The following CSMD1 variants were observed in gnomAD, a reference collection of about 807,000 sequenced individuals.
CSMD1 encodes CUB and Sushi multiple domains 1, also known as CUB and sushi domain-containing protein 1.
In CSMD1, 213 loss-of-function variants were observed where a neutral mutation model predicts 417.5. The observed-to-expected ratio is 0.51, with a 90% CI of 0.46 to 0.57. The LOEUF is 0.57. Ranked by LOEUF, CSMD1 falls within the 20% of genes least tolerant of loss-of-function variation. CSMD1 has a pLI of 0.00. For missense variants in CSMD1, 6,923 were observed against 4,529.7 expected (o/e 1.53, Z -15.17); for synonymous variants, 2,862 against 1,736.8 (o/e 1.65, Z -16.11).
At chr8:4,252,861 A>T (rs950261049) in intron 3 of CSMD1, among the ~76,000 whole-genome samples, 2 of 152,204 alleles carry the variant, frequency 1.3e-5, no homozygotes, top group Non-Finnish European at 2.9e-5. Context: ...TCTTGGGACC[A>T]TGAGTGAAAG....
intron 2 of CSMD1, among the ~76,000 whole-genome samples, chr8:4,468,338 G>A (rs1366437365): frequency 6.6e-6 from 1 of 152,068 alleles, no homozygotes; most frequent in Non-Finnish European, 1.5e-5. Flanking sequence ...CCTTTTTAAA[G>A]GTGTTATCAC....
At chr8:3,727,819 G>T (rs1802582346) in intron 6 of CSMD1, among the ~76,000 whole-genome samples, 1 of 152,174 alleles carries the variant, frequency 6.6e-6, no homozygotes, top group African/African-American at 2.4e-5. Flanking sequence ...GCCACAGATG[G>T]GTGAGCTTTA....
At chr8:4,441,260 G>GTT (rs34935169) in intron 2 of CSMD1, among the ~76,000 whole-genome samples, 1,357 of 66,878 alleles carry the variant, frequency 0.02, 29 homozygotes, top group Non-Finnish European at 0.024. Context: ...ACTACACTCA[G>GTT]TTTTTTTTTT....
intron 3 of CSMD1, among the ~76,000 whole-genome samples, chr8:4,234,353 C>G (rs763443528): frequency 2.0e-5 from 3 of 152,118 alleles, no homozygotes; most frequent in Non-Finnish European, 2.9e-5. Flanking sequence ...CCTGAAGCAG[C>G]CTCTCTGCAG....
intron 1 of CSMD1, among the ~76,000 whole-genome samples, chr8:4,698,383 G>A (rs940901619): frequency 6.6e-6 from 1 of 152,062 alleles, no homozygotes; most frequent in African/African-American, 2.4e-5. Context: ...GAGAAAGAAG[G>A]CAAAGGTTTC....
At chr8:4,890,553 T>C (rs557558912) in intron 1 of CSMD1, among the ~76,000 whole-genome samples, 10 of 145,914 alleles carry the variant, frequency 6.9e-5, no homozygotes, top group African/African-American at 2.6e-4. Context: ...CTCCTTCAGG[T>C]CCTCACAGTC....
chr8:4,411,901 G>T (rs1173099234), intron 3 of CSMD1, among the ~76,000 whole-genome samples: 1 of 151,744 alleles, frequency 6.6e-6, no homozygotes, highest in Non-Finnish European at 1.5e-5. Flanking sequence ...ATCTTCTGAG[G>T]TCAATACACA....
chr8:4,665,164 G>A (rs1193552212), intron 1 of CSMD1, among the ~76,000 whole-genome samples: 1 of 151,764 alleles, frequency 6.6e-6, no homozygotes, highest in African/African-American at 2.4e-5. Context: ...GCTTTCTTAG[G>A]TCTTTTCTGT....
At chr8:3,439,505 G>GTGTGTGTA (rs1563390872) in intron 12 of CSMD1, among the ~76,000 whole-genome samples, 1 of 145,766 alleles carries the variant, frequency 6.9e-6, no homozygotes, top group Non-Finnish European at 1.5e-5. Context: ...GTGTGTGTGT[G>GTGTGTGTA]TCTGTGTGTG....
At chr8:4,720,511 G>A (rs529974564) in intron 1 of CSMD1, among the ~76,000 whole-genome samples, 1 of 152,044 alleles carries the variant, frequency 6.6e-6, no homozygotes, top group Non-Finnish European at 1.5e-5. Context: ...TCTGCCTCCT[G>A]GGTTCAAGCA....
chr8:3,752,811 T>C lies in CSMD1; in HGVS notation c.931+1119A>G, dbSNP rs902050127. 2.0e-5 allele frequency among the ~76,000 whole-genome samples: 3 copies of C among 152,198 alleles called. 1 individual carries two copies. The South Asian group carries it at 6.2e-4, about 32-fold the overall frequency. ...CAAATAAAGACTGCTGGTTCCGATG[T>C]GTACTTCTCAGCACCCTCTGCATTT... On this transcript the variant is annotated intron_variant, in intron 6 of 69. Coordinates refer to ENST00000635120, the MANE Select transcript of CSMD1 (RefSeq NM_033225.6).
At chr8:3,302,325 C>G (rs1804477702) in intron 25 of CSMD1, among the ~76,000 whole-genome samples, 1 of 152,100 alleles carries the variant, frequency 6.6e-6, no homozygotes, top group African/African-American at 2.4e-5. Context: ...TGGAATATCT[C>G]CATCGTTCTC....
At chr8:3,678,380 C>T (rs528585442) in intron 7 of CSMD1, among the ~76,000 whole-genome samples, 20 of 152,170 alleles carry the variant, frequency 1.3e-4, no homozygotes, top group African/African-American at 4.3e-4. Context: ...ACGGGAACTA[C>T]GTGATGAATG....
intron 25 of CSMD1, among the ~76,000 whole-genome samples, chr8:3,305,905 C>G (rs1016202682): frequency 6.6e-6 from 1 of 152,064 alleles, no homozygotes; most frequent in Non-Finnish European, 1.5e-5. Flanking sequence ...TGATCTTGAT[C>G]TCCTCACCTG....
At chr8:4,578,667 T>C (rs1799259679) in intron 2 of CSMD1, among the ~76,000 whole-genome samples, 1 of 150,920 alleles carries the variant, frequency 6.6e-6, no homozygotes, top group Non-Finnish European at 1.5e-5. Flanking sequence ...ATACAAAAAT[T>C]AGCTGGACAT....
chr8:3,447,210 A>G (rs947108032), intron 12 of CSMD1, among the ~76,000 whole-genome samples: 12 of 152,350 alleles, frequency 7.9e-5, no homozygotes, highest in Admixed American at 2.6e-4. Context: ...ATGAACCAGC[A>G]TGCGTCTGCA....
intron 12 of CSMD1, among the ~76,000 whole-genome samples, chr8:3,415,959 G>A (rs912394805): frequency 6.6e-6 from 1 of 152,026 alleles, no homozygotes; most frequent in Non-Finnish European, 1.5e-5. Flanking sequence ...CTTACAATGA[G>A]TAGCCACTAG....
In CSMD1 at chr8:3,494,592, A is replaced by T. The variant is rs183776706; in HGVS notation, c.1345-866T>A. 1.6e-4 allele frequency among the ~76,000 whole-genome samples: 25 copies of T among 151,770 alleles called. 1 individual carries two copies. In the East Asian group the frequency reaches 4.6e-3, roughly 28 times the overall value. On this transcript the variant is annotated intron_variant, in intron 10 of 69. Transcript: ENST00000635120. The stretch of plus-strand genomic sequence containing the variant: ...GATAGATAGATAGATAGATAGATAG[A>T]TAGATAGATAGATAGATGACAGATA...
chr8:3,871,487 T>G (rs935860174), intron 5 of CSMD1, among the ~76,000 whole-genome samples: 10 of 152,208 alleles, frequency 6.6e-5, no homozygotes, highest in African/African-American at 2.4e-4. Flanking sequence ...TTTATTTTCA[T>G]AGACTTAATA....
Sources: gnomAD v4.1 joint callset for allele counts (sites outside exome capture counted in the v4.1 genomes callset) on GRCh38, gnomAD v4.1.1 for gene constraint, MANE v1.5 for transcripts, NCBI Gene and HGNC (gene_info 2026-07-23, HGNC 2026-07-21) for gene names.